CLTCL1: variants seen among roughly 807,000 people sequenced by gnomAD.
CLTCL1 encodes the protein clathrin heavy chain like 1, also known as clathrin heavy chain 2.
CLTCL1 carries 159 observed loss-of-function variants against 190.0 expected under a neutral mutation model. The ratio of observed to expected loss-of-function variants is 0.84; its 90% CI spans 0.74 to 0.95. CLTCL1 has a LOEUF of 0.95. CLTCL1 is among the 40% of genes least tolerant of loss of function. The pLI is 0.00. For synonymous variants in CLTCL1, 752 were observed against 769.6 expected, an observed-to-expected ratio of 0.98 and a Z score of 0.38; for missense variants, 1,878 against 2,033.4, an observed-to-expected ratio of 0.92 and a Z score of 1.47.
chr22:19,275,485 T>C (rs2087469444), intron 2 of CLTCL1, 138 bp downstream of exon 2: 3 of 908,444 alleles, frequency 3.3e-6, no homozygotes, highest in Non-Finnish European at 5.0e-6. Flanking sequence ...ACATAACTTT[T>C]GCTAAAACTT....
rs781869969 is a variant in CLTCL1 at position 19,180,713 on chromosome 22, G to T, written c.4903+18C>A. ...CTGCTCCCTCCCCAGGGGGTTGGGGGCTACAGGTGCCACCTACCAAACACG... is the reference window on the plus strand; with the variant it reads ...CTGCTCCCTCCCCAGGGGGTTGGGGTCTACAGGTGCCACCTACCAAACACG... On this transcript the variant is annotated intron_variant, in intron 31 of 32. Transcript: ENST00000427926. 2 of 1,613,210 alleles carry T rather than the reference G, an allele frequency of 1.2e-6. No individual in the cohort carries two copies. Among genetic ancestry groups the T allele is most frequent in the South Asian group, 2.2e-5 (2 of 91,076 alleles).
rs201249710 is a variant in CLTCL1, at chr22:19,211,847, C to CAAA, written c.3066-1341_3066-1339dup. On this transcript the variant is annotated intron_variant, in intron 19 of 32. Transcript: ENST00000427926. ...GATTAAAAAAAACTGAAGAAATCTACAAAAAAAAAAAAATCCAATAAATGA... is the reference window on the plus strand; with the variant it reads ...GATTAAAAAAAACTGAAGAAATCTACAAAAAAAAAAAAAAAATCCAATAAATGA... Among the ~76,000 whole-genome samples, 417 of 102,628 alleles carry CAAA rather than the reference C, an allele frequency of 4.1e-3. 7 individuals are homozygous for CAAA. The East Asian group carries it at 0.066, about 16-fold the overall frequency. 67.3% of individuals were successfully genotyped at this position (102,628 alleles called of 152,430 possible). A position where few individuals can be genotyped will look rare whatever the true frequency, so the allele number is the denominator to read the frequency against.
At chr22:19,285,984 T>C (rs926174339) in intron 1 of CLTCL1, among the ~76,000 whole-genome samples, 1 of 152,192 alleles carries the variant, frequency 6.6e-6, no homozygotes, top group Non-Finnish European at 1.5e-5. Context: ...GCTTCGTTTA[T>C]AGTGGTTTCC....
intron 1 of CLTCL1, among the ~76,000 whole-genome samples, chr22:19,286,077 A>T (rs1241024349): frequency 6.6e-6 from 1 of 152,152 alleles, no homozygotes; most frequent in African/African-American, 2.4e-5. Context: ...ATCTCAGCAG[A>T]GAGGAACCTT....
In CLTCL1 at chr22:19,199,755, C is replaced by G. The variant is rs1170674636; in HGVS notation, c.3852G>C (p.Glu1284Asp). ...LHIVIHADEL[E>D]ELMCYYQDRG... ...TCACCTGGTAATAGCACATCAGCTC[C>G]TCCAGCTCATCTGCATGAATGACGA... The change falls in exon 24 of 33, where the codon GAG (glutamate) becomes GAC (aspartate). Residue 1284 changes from glutamate (E) to aspartate (D), a missense_variant. By Grantham distance (45) the Glu-to-Asp change is conservative. Transcript: ENST00000427926. The G allele has an allele frequency of 6.3e-7, 1 of 1,590,972 alleles. No homozygotes were observed. Among genetic ancestry groups the G allele is most frequent in the African/African-American group, 1.3e-5 (1 of 74,546 alleles).
intron 26 of CLTCL1, among the ~76,000 whole-genome samples, chr22:19,192,009 C>G (rs1601457185): frequency 6.6e-6 from 1 of 151,594 alleles, no homozygotes; most frequent in East Asian, 1.9e-4. Context: ...GCTGCTGTGT[C>G]TCTTAGCACT....
intron 1 of CLTCL1, among the ~76,000 whole-genome samples, chr22:19,278,611 T>A (rs2087598219): frequency 6.6e-6 from 1 of 152,188 alleles, no homozygotes. Context: ...CCTCCCAGTC[T>A]CACCACCTTT....
At chr22:19,188,113 C>A in intron 27 of CLTCL1, 22 bp from the exon 28 acceptor site, 1 of 1,611,138 alleles carries the variant, frequency 6.2e-7, no homozygotes, top group South Asian at 1.1e-5. Flanking sequence ...AGGGAACCGT[C>A]AAGGCACTTG....
At chr22:19,190,783 T>C (rs1321818138) in intron 27 of CLTCL1, among the ~76,000 whole-genome samples, 1 of 151,620 alleles carries the variant, frequency 6.6e-6, no homozygotes, top group African/African-American at 2.4e-5. Context: ...ATCTTTTTTT[T>C]TTTTTTTCTT....
intron 29 of CLTCL1, chr22:19,183,968 G>A (rs1415596059): frequency 1.6e-5 from 6 of 365,418 alleles, no homozygotes; most frequent in African/African-American, 8.3e-5. Flanking sequence ...CAGGTCCATG[G>A]AGCGTGTGAC....
chr22:19,209,008 T>C lies in CLTCL1; in HGVS notation c.3356A>G (p.Asp1119Gly). The change falls in exon 21 of 33, where the codon GAT (aspartate) becomes GGT (glycine). Residue 1119 changes from aspartate (D) to glycine (G), a missense_variant. Transcript: ENST00000427926. ...GGAGTTGATGGCTTCCTTCACCAAA[T>C]CTTTCTGGAGCTGGGCTTGGGCCAG... ...SQLAQAQLQKDLVKEAINSYI... is the reference protein window; with the variant it reads ...SQLAQAQLQKGLVKEAINSYI... 1 of 1,611,756 alleles carries C rather than the reference T, an allele frequency of 6.2e-7. No individual in the cohort carries two copies. Among genetic ancestry groups the C allele is most frequent in the Non-Finnish European group, 8.5e-7 (1 of 1,179,032 alleles).
intron 14 of CLTCL1, among the ~76,000 whole-genome samples, chr22:19,223,577 G>C (rs1387197158): frequency 6.6e-6 from 1 of 152,186 alleles, no homozygotes; most frequent in African/African-American, 2.4e-5. Context: ...TATGACACTA[G>C]TGCTGAGTGG....
chr22:19,275,329 TG>T (rs35713313), intron 2 of CLTCL1, among the ~76,000 whole-genome samples: 1 of 151,468 alleles, frequency 6.6e-6, no homozygotes, highest in African/African-American at 2.4e-5. Flanking sequence ...ACAGCCTTCC[TG>T]GGAAACATGC....
chr22:19,275,477 A>T lies in CLTCL1; in HGVS notation c.250+146T>A, dbSNP rs958491219. ...GGCCTCTTACTAGGGCACACTAAAC[A>T]TAACTTTTGCTAAAACTTTTGGAAT... On this transcript the variant is annotated intron_variant, in intron 2 of 32. Transcript: ENST00000427926. 7.1e-6 allele frequency: 6 copies of T among 846,606 alleles called. No individual in the cohort carries two copies. In the East Asian group the frequency reaches 1.6e-4, roughly 23 times the overall value. The allele number at this position is 846,606 out of a possible 1,614,324, so 52.4% of individuals were successfully genotyped here.
rs1234801582 is a variant in CLTCL1, at chr22:19,205,872, G to C, written c.3600+2282C>G. ...TCATCTGGAATTTTACTTGGTTACA[G>C]AATTACATGATGAACTTTTAACACC... On this transcript the variant is annotated intron_variant, in intron 22 of 32. Transcript: ENST00000427926. 3.3e-5 allele frequency among the ~76,000 whole-genome samples: 5 copies of C among 150,992 alleles called. No homozygotes were observed. The East Asian group carries it at 9.7e-4, about 29-fold the overall frequency.
At chr22:19,206,817 A>G (rs1555942998) in intron 22 of CLTCL1, among the ~76,000 whole-genome samples, 2 of 152,122 alleles carry the variant, frequency 1.3e-5, no homozygotes, top group African/African-American at 4.8e-5. Context: ...GTTATAATAC[A>G]TTCCATTATC....
At chr22:19,191,215 A>G in intron 27 of CLTCL1, 89 bp downstream of exon 27, 1 of 1,531,920 alleles carries the variant, frequency 6.5e-7, no homozygotes, top group Non-Finnish European at 8.9e-7. Context: ...GGGTCATTTC[A>G]AAAACTCTTT....
intron 27 of CLTCL1, 43 bp downstream of exon 27, chr22:19,191,261 C>T (rs1555931808): frequency 1.9e-6 from 3 of 1,611,498 alleles, no homozygotes; most frequent in Non-Finnish European, 2.5e-6. Context: ...TTTGTTAGAG[C>T]TAGCCCAATA....
intron 1 of CLTCL1, among the ~76,000 whole-genome samples, chr22:19,286,027 A>T (rs1421786778): frequency 3.3e-5 from 5 of 152,182 alleles, no homozygotes; most frequent in Non-Finnish European, 7.3e-5. Context: ...CTGAACTGAA[A>T]GATTTTAATT....
Sources: gnomAD v4.1 joint callset for allele counts (sites outside exome capture counted in the v4.1 genomes callset) on GRCh38, gnomAD v4.1.1 for gene constraint, MANE v1.5 for transcripts, NCBI Gene and HGNC (gene_info 2026-07-23, HGNC 2026-07-21) for gene names.